ADTRP: variants seen among roughly 807,000 people sequenced by gnomAD.
ADTRP encodes androgen dependent TFPI regulating protein, also known as androgen-dependent TFPI-regulating protein.
A neutral mutation model predicts 27.0 loss-of-function variants in ADTRP; 20 were observed. That is an observed-to-expected ratio of 0.74 (90% CI 0.52 to 1.08). The LOEUF (loss-of-function observed/expected upper bound fraction) is 1.08. Among genes scored for constraint, ADTRP ranks in the 50% least tolerant of loss-of-function variants. The pLI, the probability that ADTRP is intolerant of heterozygous loss-of-function variation, is 0.00. For synonymous variants in ADTRP, 101 were observed against 105.2 expected (o/e 0.96, Z 0.25); for missense variants, 251 against 275.0 (o/e 0.91, Z 0.62).
intron 3 of ADTRP, among the ~76,000 whole-genome samples, chr6:11,737,300 C>G (rs1230396063): frequency 1.3e-5 from 2 of 152,108 alleles, no homozygotes; most frequent in Admixed American, 6.6e-5. Context: ...CCTCTTTCAC[C>G]CACAGTCTCC....
intron 3 of ADTRP, among the ~76,000 whole-genome samples, chr6:11,754,428 ATTG>A (rs1763151547): frequency 2.0e-5 from 3 of 152,170 alleles, no homozygotes; most frequent in African/African-American, 7.2e-5. Context: ...TGGATCTTGG[ATTG>A]GGAGAGGAAG....
intron 3 of ADTRP, among the ~76,000 whole-genome samples, chr6:11,744,496 G>A (rs1426893851): frequency 1.3e-5 from 2 of 152,202 alleles, no homozygotes; most frequent in East Asian, 3.8e-4. Context: ...GGAGCTGGCA[G>A]CCCTACAGGA....
intron 3 of ADTRP, among the ~76,000 whole-genome samples, chr6:11,759,276 A>G (rs561468082): frequency 1.4e-3 from 208 of 152,240 alleles, no homozygotes; most frequent in African/African-American, 4.8e-3. Flanking sequence ...AAAAACCTGA[A>G]TTTGACACTG....
intron 5 of ADTRP, among the ~76,000 whole-genome samples, chr6:11,720,792 C>T (rs899040942): frequency 8.5e-5 from 13 of 152,118 alleles, no homozygotes; most frequent in Non-Finnish European, 1.5e-4. Context: ...CTAACTGGTA[C>T]GCCTTGTCAT....
chr6:11,728,100 C>G (rs1475977592), intron 4 of ADTRP, among the ~76,000 whole-genome samples: 2 of 152,178 alleles, frequency 1.3e-5, no homozygotes, highest in Non-Finnish European at 2.9e-5. Flanking sequence ...CATATCTATA[C>G]TAAACTTCCT....
In ADTRP at chr6:11,735,555, A is replaced by C; in HGVS notation, c.506+13T>G. ...CGACAAGCCTAAGTTGACTTTCTCC[A>C]TGTAATTCTTACCGGCTGATGTAAG... On this transcript the variant is annotated intron_variant, in intron 4 of 5. Transcript: ENST00000414691. The C allele has an allele frequency of 6.3e-7, 1 of 1,596,422 alleles. No homozygotes were observed. The highest frequency in any genetic ancestry group is 1.1e-5 in the South Asian group (1 of 90,254).
intron 3 of ADTRP, among the ~76,000 whole-genome samples, chr6:11,742,588 T>C (rs1023399162): frequency 6.6e-6 from 1 of 152,182 alleles, no homozygotes; most frequent in African/African-American, 2.4e-5. Context: ...ATTAAAGTTT[T>C]CCCCCTAGGC....
intron 3 of ADTRP, among the ~76,000 whole-genome samples, chr6:11,756,512 C>A (rs2113300326): frequency 1.3e-5 from 2 of 152,014 alleles, no homozygotes; most frequent in East Asian, 3.9e-4. Context: ...GGAAACTGGG[C>A]AAAGAGTACA....
chr6:11,746,471 G>T (rs1762869817), intron 3 of ADTRP, among the ~76,000 whole-genome samples: 1 of 152,114 alleles, frequency 6.6e-6, no homozygotes, highest in Non-Finnish European at 1.5e-5. Context: ...AGCATCCTTG[G>T]CTTCTACCTA....
rs140044234 is a variant in ADTRP, at chr6:11,734,398, A to C, written c.506+1170T>G. Among the ~76,000 whole-genome samples, 254 of 152,354 alleles carry C rather than the reference A, an allele frequency of 1.7e-3. 2 individuals are homozygous for C. The highest frequency in any genetic ancestry group is 5.9e-3 in the African/African-American group (244 of 41,580). ...CAACTATCAGTAGGACCCAAGCTTA[A>C]GCCTCGTTCTCTGAAATTCCCTTTG... On this transcript the variant is annotated intron_variant, in intron 4 of 5. Coordinates refer to ENST00000414691, the MANE Select transcript of ADTRP (RefSeq NM_032744.4).
At chr6:11,725,094 T>C (rs773402789) in intron 4 of ADTRP, among the ~76,000 whole-genome samples, 8 of 152,238 alleles carry the variant, frequency 5.3e-5, no homozygotes, top group Non-Finnish European at 1.0e-4. Context: ...TTTCAAATAC[T>C]TGAAGTTTGT....
At chr6:11,760,159 CT>C (rs1763351383) in intron 3 of ADTRP, among the ~76,000 whole-genome samples, 1 of 152,136 alleles carries the variant, frequency 6.6e-6, no homozygotes, top group African/African-American at 2.4e-5. Context: ...GTTCTCTCAC[CT>C]TGTTTATTTA....
intron 4 of ADTRP, among the ~76,000 whole-genome samples, chr6:11,729,179 T>C (rs138325756): frequency 2.4e-4 from 36 of 152,302 alleles, no homozygotes; most frequent in African/African-American, 7.5e-4. Flanking sequence ...TTTGGGCATA[T>C]AATTCTTTCT....
chr6:11,741,696 A>C (rs1315224462), intron 3 of ADTRP, among the ~76,000 whole-genome samples: 5 of 147,658 alleles, frequency 3.4e-5, no homozygotes, highest in African/African-American at 7.7e-5. Context: ...TTTGGATTCT[A>C]TCCAGTTAAG....
intron 3 of ADTRP, chr6:11,736,282 T>G (rs148016930): frequency 6.5e-6 from 1 of 153,300 alleles, no homozygotes; most frequent in African/African-American, 2.4e-5. Context: ...CACACATTCA[T>G]GCACAAACAT....
intron 3 of ADTRP, among the ~76,000 whole-genome samples, chr6:11,765,663 C>T (rs1463376433): frequency 6.6e-6 from 1 of 152,050 alleles, no homozygotes; most frequent in East Asian, 1.9e-4. Context: ...CAACCGAGAC[C>T]TGGCAACCTC....
rs1762610502 is a variant in ADTRP at position 11,738,313 on chromosome 6, C to T, written c.391-2630G>A. On this transcript the variant is annotated intron_variant, in intron 3 of 5. Transcript: ENST00000414691. The stretch of plus-strand genomic sequence containing the variant: ...GTATGGTTGTCCCTGGGGCTCCCTC[C>T]CCAGCCCACAGCTGGTGCCTGCGTT... Among the ~76,000 whole-genome samples, 3 of 152,278 alleles carry T rather than the reference C, an allele frequency of 2.0e-5. No individual in the cohort carries two copies. In the South Asian group the frequency reaches 6.2e-4, roughly 32 times the overall value.
intron 4 of ADTRP, among the ~76,000 whole-genome samples, chr6:11,734,515 G>A (rs1762483427): frequency 6.6e-6 from 1 of 152,186 alleles, no homozygotes; most frequent in Non-Finnish European, 1.5e-5. Context: ...TTTAAGATGG[G>A]AGAAGAAAGA....
At chr6:11,761,279 G>A (rs757905594) in intron 3 of ADTRP, among the ~76,000 whole-genome samples, 2 of 151,982 alleles carry the variant, frequency 1.3e-5, no homozygotes, top group South Asian at 2.1e-4. Context: ...ACACCACTCC[G>A]TTCTCTCGCC....
Sources: gnomAD v4.1 joint callset for allele counts (sites outside exome capture counted in the v4.1 genomes callset) on GRCh38, gnomAD v4.1.1 for gene constraint, MANE v1.5 for transcripts, NCBI Gene and HGNC (gene_info 2026-07-23, HGNC 2026-07-21) for gene names.